RYR2: variants seen among roughly 807,000 people sequenced by gnomAD.
The protein encoded by RYR2 is ryanodine receptor 2.
Under a neutral mutation model 601.1 loss-of-function variants are expected in RYR2, and 227 were observed. The ratio of observed to expected loss-of-function variants is 0.38; its 90% CI spans 0.34 to 0.42. The LOEUF is 0.42. Among genes scored for constraint, RYR2 ranks in the 10% least tolerant of loss-of-function variants. The probability of loss-of-function intolerance (pLI) is 1.00; values close to 1 mark genes in which losing one functional copy is unlikely to be tolerated. For missense variants in RYR2, 4,646 were observed against 6,156.5 expected (o/e 0.75, Z 8.21); for synonymous variants, 2,223 against 2,175.1 (o/e 1.02, Z -0.61).
intron 18 of RYR2, among the ~76,000 whole-genome samples, chr1:237,492,625 G>A (rs1043250361): frequency 1.3e-5 from 2 of 152,090 alleles, no homozygotes; most frequent in Non-Finnish European, 2.9e-5. Flanking sequence ...AGGGTTGCTT[G>A]AGGCCAGGAG....
intron 51 of RYR2, among the ~76,000 whole-genome samples, chr1:237,653,578 G>A (rs1213503320): frequency 2.6e-5 from 4 of 152,258 alleles, no homozygotes; most frequent in Admixed American, 2.6e-4. Flanking sequence ...CTTAGCCGGG[G>A]TTCTCTAGAG....
chr1:237,494,294 C>T (rs1256624253), intron 19 of RYR2, among the ~76,000 whole-genome samples: 5 of 152,112 alleles, frequency 3.3e-5, no homozygotes, highest in Admixed American at 1.3e-4. Flanking sequence ...CCGAGAGCCC[C>T]TGGCAAACCA....
chr1:237,518,592 ATTC>A (rs1328871958), intron 24 of RYR2, among the ~76,000 whole-genome samples: 1 of 152,206 alleles, frequency 6.6e-6, no homozygotes, highest in Non-Finnish European at 1.5e-5. Context: ...ACATGATTTC[ATTC>A]TTCTTTACTG....
chr1:237,795,053 C>G (rs1658943342), intron 95 of RYR2, among the ~76,000 whole-genome samples: 1 of 152,146 alleles, frequency 6.6e-6, no homozygotes, highest in South Asian at 2.1e-4. Context: ...TCATATTCTT[C>G]TCCATTAAAG....
chr1:237,761,145 C>A (rs1195221846), intron 84 of RYR2, 117 bp downstream of exon 84: 6 of 679,804 alleles, frequency 8.8e-6, no homozygotes, highest in African/African-American at 5.5e-5. Context: ...TGATGAAATG[C>A]TTACATGACT....
At chr1:237,702,128 A>G in intron 66 of RYR2, 69 bp downstream of exon 66, 2 of 888,368 alleles carry the variant, frequency 2.3e-6, no homozygotes, top group Admixed American at 2.1e-5. Flanking sequence ...TATTTCAAGA[A>G]TCTTCATTTC....
intron 1 of RYR2, among the ~76,000 whole-genome samples, chr1:237,112,517 C>A (rs1243693719): frequency 6.6e-6 from 1 of 150,880 alleles, no homozygotes; most frequent in Non-Finnish European, 1.5e-5. Flanking sequence ...CCCAGGCTAC[C>A]CTTTAGGCAG....
At chr1:237,676,068 G>A (rs1300851732) in intron 60 of RYR2, among the ~76,000 whole-genome samples, 2 of 152,084 alleles carry the variant, frequency 1.3e-5, no homozygotes, top group African/African-American at 4.8e-5. Context: ...AATGAGGTAG[G>A]GGTGAATTAT....
At chr1:237,414,368 G>A (rs1273184326) in intron 10 of RYR2, among the ~76,000 whole-genome samples, 1 of 152,126 alleles carries the variant, frequency 6.6e-6, no homozygotes, top group Non-Finnish European at 1.5e-5. Flanking sequence ...TCAAAATATG[G>A]ACCATCAACA....
intron 45 of RYR2, among the ~76,000 whole-genome samples, 155 bp from the exon 46 acceptor site, chr1:237,638,860 C>T (rs1244539195): frequency 1.3e-5 from 2 of 152,266 alleles, no homozygotes; most frequent in East Asian, 3.9e-4. Context: ...GTCTCATATA[C>T]TTAATGCTAG....
intron 8 of RYR2, among the ~76,000 whole-genome samples, chr1:237,383,132 C>T (rs1701673904): frequency 6.6e-6 from 1 of 151,954 alleles, no homozygotes; most frequent in Non-Finnish European, 1.5e-5. Flanking sequence ...CCATGGACTT[C>T]CATTGCAAAT....
At chr1:237,377,818 T>A (rs536042157) in intron 8 of RYR2, among the ~76,000 whole-genome samples, 5 of 152,202 alleles carry the variant, frequency 3.3e-5, no homozygotes, top group Non-Finnish European at 7.3e-5. Context: ...ATTCTGATAT[T>A]TATGAAAGCA....
rs530234760 is a variant in RYR2 at position 237,052,176 on chromosome 1, G to A, written c.48+9607G>A. Among the ~76,000 whole-genome samples the A allele has an allele frequency of 4.5e-4, 68 of 152,306 alleles. 1 individual carries two copies. The highest frequency in any genetic ancestry group is 1.4e-3 in the African/African-American group (59 of 41,558). ...ATACCAGGTACCTAAGAGATACCAT[G>A]AAGGTGGAAGCCATAGTTCCCGTAG... On this transcript the variant is annotated intron_variant, in intron 1 of 104. Transcript: ENST00000366574.
intron 1 of RYR2, among the ~76,000 whole-genome samples, chr1:237,053,591 G>A (rs1409537290): frequency 2.6e-5 from 4 of 152,172 alleles, no homozygotes; most frequent in East Asian, 3.8e-4. Context: ...CTCTTCCTGC[G>A]CCAGCGCCCG....
At chr1:237,655,762 T>A in intron 52 of RYR2, 59 bp from the exon 53 acceptor site, 1 of 1,482,538 alleles carries the variant, frequency 6.7e-7, no homozygotes, top group Non-Finnish European at 9.1e-7. Flanking sequence ...GCCCTGATGA[T>A]CATGCTGACA....
intron 79 of RYR2, among the ~76,000 whole-genome samples, chr1:237,738,129 T>C (rs901596713): frequency 6.6e-6 from 1 of 152,350 alleles, no homozygotes; most frequent in East Asian, 1.9e-4. Context: ...GTCTTGATAC[T>C]TGAGACTTGA....
At chr1:237,231,310 C>T (rs1425677620) in intron 1 of RYR2, among the ~76,000 whole-genome samples, 10 of 136,784 alleles carry the variant, frequency 7.3e-5, no homozygotes, top group African/African-American at 2.8e-4. Context: ...GTCTTTTTTT[C>T]TTTCTTTCTT....
intron 12 of RYR2, among the ~76,000 whole-genome samples, chr1:237,436,402 CACTT>C (rs1384481283): frequency 6.8e-6 from 1 of 146,048 alleles, no homozygotes; most frequent in Non-Finnish European, 1.5e-5. Flanking sequence ...TCCACAAACT[CACTT>C]ACCAGAGTAA....
At chr1:237,725,644 C>T (rs1024727461) in intron 74 of RYR2, among the ~76,000 whole-genome samples, 7 of 152,042 alleles carry the variant, frequency 4.6e-5, no homozygotes, top group East Asian at 1.9e-4. Flanking sequence ...TCTTTGTGTT[C>T]GCCTTTGGAT....
Sources: allele counts gnomAD v4.1 joint callset (sites outside exome capture counted in the v4.1 genomes callset), GRCh38; gene constraint gnomAD v4.1.1; transcripts MANE v1.5; gene names NCBI Gene and HGNC (gene_info 2026-07-23, HGNC 2026-07-21).